ENTPD5: variants seen among roughly 807,000 people sequenced by gnomAD.
ENTPD5 encodes nucleoside diphosphate phosphatase ENTPD5.
Under a neutral mutation model 60.2 loss-of-function variants are expected in ENTPD5, and 49 were observed. The observed-to-expected ratio is 0.81, with a 90% confidence interval of 0.65 to 1.03. The LOEUF is 1.03. ENTPD5 is among the 50% of genes least tolerant of loss of function. The pLI, the probability that ENTPD5 is intolerant of heterozygous loss-of-function variation, is 0.00. For missense variants in ENTPD5, 480 were observed against 507.6 expected, an observed-to-expected ratio of 0.95 and a Z score of 0.52; for synonymous variants, 187 against 185.4, an observed-to-expected ratio of 1.01 and a Z score of -0.07.
At chr14:73,982,127 T>C (rs894402398) in intron 6 of ENTPD5, among the ~76,000 whole-genome samples, 5 of 152,182 alleles carry the variant, frequency 3.3e-5, no homozygotes, top group African/African-American at 1.2e-4. Context: ...CAGGCTGGAG[T>C]GCAGTGGTGT....
chr14:73,984,872 A>G (rs1001902542), intron 5 of ENTPD5, among the ~76,000 whole-genome samples: 8 of 152,030 alleles, frequency 5.3e-5, no homozygotes, highest in African/African-American at 1.7e-4. Context: ...TACATTAGGT[A>G]TATCTCCTAA....
chr14:73,975,843 C>A, intron 10 of ENTPD5, 93 bp downstream of exon 10: 1 of 1,099,940 alleles, frequency 9.1e-7, no homozygotes, highest in Non-Finnish European at 1.3e-6. Flanking sequence ...TTTGTTTTTG[C>A]TAATCAGATA....
intron 1 of ENTPD5, among the ~76,000 whole-genome samples, chr14:74,017,549 G>A (rs1348945527): frequency 1.3e-5 from 2 of 150,366 alleles, no homozygotes; most frequent in Middle Eastern, 3.5e-3. Context: ...TTGCACTCCA[G>A]CCTGGGCAAC....
chr14:74,016,696 A>C (rs1030180305), intron 1 of ENTPD5, among the ~76,000 whole-genome samples: 1 of 152,250 alleles, frequency 6.6e-6, no homozygotes, highest in Admixed American at 6.5e-5. Context: ...TAACTAAGGT[A>C]CTACGCATAC....
In ENTPD5 at chr14:73,963,332, T is replaced by C. The variant is rs1417676119; in HGVS notation, c.*3596A>G. 2 of 440,426 alleles carry C rather than the reference T, an allele frequency of 4.5e-6. No individual in the cohort carries two copies. Among genetic ancestry groups the C allele is most frequent in the Non-Finnish European group, 8.0e-6 (2 of 250,572 alleles). 27.3% of individuals were successfully genotyped at this position (440,426 alleles called of 1,614,324 possible). ...AGAGAAAATTTACATTTTGTTTTTGTTTTAATGTTGGTCATAAATTTATAC... is the reference window on the plus strand; with the variant it reads ...AGAGAAAATTTACATTTTGTTTTTGCTTTAATGTTGGTCATAAATTTATAC... On this transcript the variant is annotated 3_prime_UTR_variant, in exon 16 of 16. Transcript: ENST00000334696.
chr14:73,961,827 A>C, downstream of ENTPD5: 5 of 1,614,170 alleles, frequency 3.1e-6, no homozygotes, highest in Non-Finnish European at 4.2e-6. Context: ...AAAAGGCTCT[A>C]TTCTACCAGT....
At chr14:73,958,660 T>G (rs183469439), downstream of ENTPD5, 1 of 1,309,592 alleles carries the variant, frequency 7.6e-7, no homozygotes, top group East Asian at 3.7e-5. Context: ...ACATCAGAAC[T>G]ATTCAGCTCC....
In ENTPD5 at chr14:73,967,020, G is replaced by C. The variant is rs1162201068; in HGVS notation, c.1201-6C>G. Reference sequence around the variant, plus strand: ...TTGTTCACTTTCTTTGTGAGCTGTTGAGAAGAAAAAAAGTCTTCACCTTTT... The same window carrying C: ...TTGTTCACTTTCTTTGTGAGCTGTTCAGAAGAAAAAAAGTCTTCACCTTTT... On this transcript the variant is annotated splice_region_variant and splice_polypyrimidine_tract_variant and intron_variant, in intron 15 of 15. Coordinates refer to ENST00000334696, the MANE Select transcript of ENTPD5 (RefSeq NM_001249.5). 8.1e-6 allele frequency: 13 copies of C among 1,612,642 alleles called. No individual in the cohort carries two copies. Among genetic ancestry groups the C allele is most frequent in the Non-Finnish European group, 1.0e-5 (12 of 1,179,180 alleles).
rs1450938978 is a variant in ENTPD5, at chr14:74,019,279, C to A, written c.-267G>T. On this transcript the variant is annotated 5_prime_UTR_variant, in exon 1 of 16. Coordinates refer to ENST00000334696, the MANE Select transcript of ENTPD5 (RefSeq NM_001249.5). The stretch of plus-strand genomic sequence containing the variant: ...CGCGCGCCACCCTTGCGCGGCAGCC[C>A]GCCGCCCTCGGCGCGACCTCCGCCC... 1.5e-5 allele frequency: 7 copies of A among 458,658 alleles called. No individual in the cohort carries two copies. Among genetic ancestry groups the A allele is most frequent in the African/African-American group, 2.1e-5 (1 of 46,764 alleles). The allele number at this position is 458,658 out of a possible 1,614,324, so 28.4% of individuals were successfully genotyped here.
chr14:73,976,125 G>C, intron 9 of ENTPD5, 110 bp from the exon 10 acceptor site: 1 of 955,814 alleles, frequency 1.0e-6, no homozygotes, highest in Non-Finnish European at 1.6e-6. Flanking sequence ...GACAGATTAA[G>C]GGGCTAATCT....
intron 3 of ENTPD5, among the ~76,000 whole-genome samples, chr14:73,997,788 T>C (rs2058383929): frequency 6.6e-6 from 1 of 152,174 alleles, no homozygotes; most frequent in Non-Finnish European, 1.5e-5. Flanking sequence ...TCTTTTGTAT[T>C]ACCAAAGACA....
At chr14:73,962,768 G>A (rs2056805081), downstream of ENTPD5, 1 of 598,704 alleles carries the variant, frequency 1.7e-6, no homozygotes, top group South Asian at 2.1e-5. Flanking sequence ...AGTGAGCTAT[G>A]ATCACACCAC....
rs960064184 is a variant in ENTPD5 at position 73,965,064 on chromosome 14, T to C, written c.*1864A>G. ...AAGGCAGTTGGTATAAAGGTGACCT[T>C]AGTAATAAAAGTCAGTGTGAAGTCT... On this transcript the variant is annotated 3_prime_UTR_variant, in exon 16 of 16. Transcript: ENST00000334696. 1 of 152,204 alleles carries C rather than the reference T, an allele frequency of 6.6e-6. No individual in the cohort carries two copies. The highest frequency in any genetic ancestry group is 1.5e-5 in the Non-Finnish European group (1 of 68,048). The allele number at this position is 152,204 out of a possible 1,614,324, so 9.4% of individuals were successfully genotyped here.
intron 5 of ENTPD5, chr14:73,986,195 A>C (rs1230650987): frequency 6.6e-6 from 1 of 152,226 alleles, no homozygotes; most frequent in African/African-American, 2.4e-5. Context: ...GACAATGAAC[A>C]ATAAATACCT....
chr14:73,975,422 T>G (rs983424048), intron 10 of ENTPD5, among the ~76,000 whole-genome samples: 8 of 96,326 alleles, frequency 8.3e-5, no homozygotes, highest in African/African-American at 3.1e-4. Context: ...TTTTTTTTTT[T>G]GAGACTGAGT....
chr14:73,976,772 A>G (rs1032370127), intron 8 of ENTPD5, among the ~76,000 whole-genome samples: 1 of 151,932 alleles, frequency 6.6e-6, no homozygotes, highest in Admixed American at 6.6e-5. Context: ...ATGCCCAGCT[A>G]TTTTTGTATT....
rs189773989 is a variant in ENTPD5, at chr14:73,975,856, A to G, written c.722+80T>C. ...ACTTTGTTTTTGCTAATCAGATACA[A>G]TAACAGATTTGAGAATGCTTTGGAA... On this transcript the variant is annotated intron_variant, in intron 10 of 15. Coordinates refer to ENST00000334696, the MANE Select transcript of ENTPD5 (RefSeq NM_001249.5). The G allele has an allele frequency of 3.3e-4, 406 of 1,230,606 alleles. 3 individuals carry two copies. The East Asian group carries it at 8.2e-3, about 25-fold the overall frequency. The allele number at this position is 1,230,606 out of a possible 1,614,324, so 76.2% of individuals were successfully genotyped here.
chr14:73,988,286 T>A (rs1432792480), intron 3 of ENTPD5, 114 bp from the exon 4 acceptor site: 12 of 982,066 alleles, frequency 1.2e-5, no homozygotes, highest in African/African-American at 3.3e-5. Flanking sequence ...TAATAACCTG[T>A]ACAACAAGCT....
At position 73,963,910 on chromosome 14, in the gene ENTPD5, T is replaced by A. The variant is rs2056868007; in HGVS notation, c.*3018A>T. 2 of 152,306 alleles carry A rather than the reference T, an allele frequency of 1.3e-5. No individual in the cohort carries two copies. Among genetic ancestry groups the A allele is most frequent in the Non-Finnish European group, 2.9e-5 (2 of 68,030 alleles). 9.4% of individuals were successfully genotyped at this position (152,306 alleles called of 1,614,324 possible). A position where few individuals can be genotyped will look rare whatever the true frequency, so the allele number is the denominator to read the frequency against. On this transcript the variant is annotated 3_prime_UTR_variant, in exon 16 of 16. Transcript: ENST00000334696. ...GAATAATTTTTAGAGCCATGAGAAATCTATTCTTACAGGGGTGCTTTTCAG... is the reference window on the plus strand; with the variant it reads ...GAATAATTTTTAGAGCCATGAGAAAACTATTCTTACAGGGGTGCTTTTCAG...
Sources: gnomAD v4.1 joint callset for allele counts (sites outside exome capture counted in the v4.1 genomes callset) on GRCh38, gnomAD v4.1.1 for gene constraint, MANE v1.5 for transcripts, NCBI Gene and HGNC (gene_info 2026-07-23, HGNC 2026-07-21) for gene names.